CEP192: variants seen among roughly 807,000 people sequenced by gnomAD.
CEP192 encodes the protein centrosomal protein 192, also known as centrosomal protein of 192 kDa.
A neutral mutation model predicts 271.8 loss-of-function variants in CEP192; 151 were observed. That is an observed-to-expected ratio of 0.56 (90% CI 0.49 to 0.64). The LOEUF is 0.64. Ranked by LOEUF, CEP192 falls within the 30% of genes least tolerant of loss-of-function variation. The pLI, the probability that CEP192 is intolerant of heterozygous loss-of-function variation, is 0.00. For synonymous variants in CEP192, 995 were observed against 1,076.5 expected (o/e 0.92, Z 1.48); for missense variants, 2,910 against 3,020.5 (o/e 0.96, Z 0.86).
chr18:13,095,750 A>G (rs186978298), intron 35 of CEP192, 69 bp downstream of exon 35: 6 of 1,377,240 alleles, frequency 4.4e-6, no homozygotes, highest in Admixed American at 4.1e-5. Flanking sequence ...CATTGTGCCC[A>G]TGGCCTATCC....
Position 13,001,481 on chromosome 18 carries a change from C to T in CEP192, c.189C>T (p.Tyr63=). The change falls in exon 3 of 45, where the codon TAC becomes TAT. Residue 63 remains tyrosine (Y), a synonymous_variant. Coordinates refer to ENST00000506447, the MANE Select transcript of CEP192 (RefSeq NM_032142.4). The part of the protein sequence containing the change: ...DNRYPDIQAS[Y]LVEGRFSVPS... The stretch of plus-strand genomic sequence containing the variant: ...GGTATCCTGATATCCAGGCATCTTA[C>T]TTAGTAGAAGGGAGATTTTCAGTTC... 1 of 1,547,808 alleles carries T rather than the reference C, an allele frequency of 6.5e-7. No homozygotes were observed.
intron 34 of CEP192, among the ~76,000 whole-genome samples, chr18:13,095,202 A>T (rs1407528651): frequency 6.6e-6 from 1 of 151,950 alleles, no homozygotes; most frequent in Non-Finnish European, 1.5e-5. Context: ...GTGTCTTGCT[A>T]TGTTGCCCAG....
intron 33 of CEP192, among the ~76,000 whole-genome samples, chr18:13,091,307 T>C (rs1016222394): frequency 6.6e-6 from 1 of 152,150 alleles, no homozygotes; most frequent in Non-Finnish European, 1.5e-5. Flanking sequence ...CCTGTCAAGA[T>C]TGCCCATCTA....
rs762385837 is a variant in CEP192 at position 13,056,002 on chromosome 18, A to C, written c.3412A>C (p.Lys1138Gln). The C allele has an allele frequency of 8.7e-6, 14 of 1,614,120 alleles. No homozygotes were observed. The highest frequency in any genetic ancestry group is 1.2e-5 in the Non-Finnish European group (14 of 1,180,046). ...EYVKPDFRWSKDPSSKSGNLL... is the reference protein window; with the variant it reads ...EYVKPDFRWSQDPSSKSGNLL... ...TGTAAAACCTGACTTTAGATGGAGT[A>C]AAGATCCTTCCTCCAAAAGTGGAAA... Residue 1138 changes from lysine to glutamine, a missense_variant, in exon 19 of 45, where the codon AAA becomes CAA. By Grantham distance (53) the Lys-to-Gln change is moderately conservative. Transcript: ENST00000506447.
chr18:13,000,537 C>T (rs1459657435), intron 2 of CEP192: 2 of 152,246 alleles, frequency 1.3e-5, no homozygotes. Context: ...TTACTCTTTA[C>T]TGGACTTGTA....
intron 1 of CEP192, among the ~76,000 whole-genome samples, chr18:12,992,156 A>G (rs1200408591): frequency 2.0e-5 from 3 of 152,106 alleles, no homozygotes; most frequent in African/African-American, 4.8e-5. Flanking sequence ...TTATATGACC[A>G]TATTTCCATT....
intron 41 of CEP192, 127 bp from the exon 42 acceptor site, chr18:13,114,003 G>A: frequency 1.1e-5 from 12 of 1,091,978 alleles, no homozygotes; most frequent in South Asian, 1.6e-5. Flanking sequence ...GCAATTTAGG[G>A]GATTTAAAAA....
At chr18:13,076,186 C>T (rs2038264651) in intron 30 of CEP192, among the ~76,000 whole-genome samples, 1 of 152,166 alleles carries the variant, frequency 6.6e-6, no homozygotes, top group African/African-American at 2.4e-5. Context: ...CCTGTTTAAT[C>T]TGTGGATTTA....
chr18:13,111,276 C>G (rs969982113), intron 40 of CEP192, among the ~76,000 whole-genome samples: 1 of 152,150 alleles, frequency 6.6e-6, no homozygotes, highest in Non-Finnish European at 1.5e-5. Flanking sequence ...AGGTGCCCAC[C>G]ACCACGCCTG....
intron 18 of CEP192, among the ~76,000 whole-genome samples, chr18:13,053,474 G>A (rs1251798179): frequency 6.6e-6 from 1 of 152,188 alleles, no homozygotes; most frequent in Non-Finnish European, 1.5e-5. Flanking sequence ...AGGCAGCGGG[G>A]AAGCAGAGTT....
chr18:13,087,743 T>A, intron 32 of CEP192, 97 bp downstream of exon 32: 1 of 499,952 alleles, frequency 2.0e-6, no homozygotes, highest in Non-Finnish European at 3.4e-6. Context: ...TATTTCACTA[T>A]TTATTAGTGA....
intron 1 of CEP192, among the ~76,000 whole-genome samples, chr18:12,995,773 G>C (rs1599011499): frequency 1.3e-5 from 2 of 152,370 alleles, no homozygotes; most frequent in East Asian, 3.9e-4. Context: ...TGACAGCTAA[G>C]TGAACATTTG....
chr18:12,995,300 G>A (rs2033154745), intron 1 of CEP192, among the ~76,000 whole-genome samples: 2 of 151,894 alleles, frequency 1.3e-5, no homozygotes, highest in Non-Finnish European at 2.9e-5. Context: ...TCCTGACCTC[G>A]TGATCCGCCC....
chr18:13,078,519 CAATGGTTGAACT>C (rs1251325714), intron 30 of CEP192, among the ~76,000 whole-genome samples: 1 of 152,158 alleles, frequency 6.6e-6, no homozygotes, highest in Non-Finnish European at 1.5e-5. Flanking sequence ...CTGTCTTCCA[CAATGGTTGAACT>C]AATTTACACT....
intron 21 of CEP192, 58 bp downstream of exon 21, chr18:13,059,370 C>T (rs2037287413): frequency 2.9e-6 from 4 of 1,396,122 alleles, no homozygotes; most frequent in Non-Finnish European, 3.0e-6. Flanking sequence ...GACTGTTTAA[C>T]CTTAGAAGTA....
intron 39 of CEP192, chr18:13,103,888 C>G (rs1201790850): frequency 2.1e-6 from 1 of 475,136 alleles, no homozygotes; most frequent in Admixed American, 2.3e-5. Flanking sequence ...TGGAGCCTCA[C>G]CACACTGCCC....
chr18:13,070,575 C>G (rs908343587), intron 27 of CEP192, among the ~76,000 whole-genome samples: 2 of 152,240 alleles, frequency 1.3e-5, no homozygotes, highest in Non-Finnish European at 2.9e-5. Context: ...GTCGTGAGTA[C>G]TGAGCTTGCT....
chr18:12,993,795 C>T (rs747554623), intron 1 of CEP192, among the ~76,000 whole-genome samples: 1 of 152,144 alleles, frequency 6.6e-6, no homozygotes, highest in Non-Finnish European at 1.5e-5. Flanking sequence ...GGCTACCTTA[C>T]AAATTTGACA....
At chr18:13,112,381 C>T (rs2040245948) in intron 40 of CEP192, among the ~76,000 whole-genome samples, 1 of 152,212 alleles carries the variant, frequency 6.6e-6, no homozygotes, top group South Asian at 2.1e-4. Flanking sequence ...CAGAAGCCCA[C>T]AGATGTGTGA....
Sources: allele counts gnomAD v4.1 joint callset (sites outside exome capture counted in the v4.1 genomes callset), GRCh38; gene constraint gnomAD v4.1.1; transcripts MANE v1.5; gene names NCBI Gene and HGNC (gene_info 2026-07-23, HGNC 2026-07-21).